The following RGS6 variants were observed in gnomAD, a reference collection of about 807,000 sequenced individuals.
RGS6 encodes regulator of G protein signaling 6, also known as regulator of G-protein signaling 6.
In RGS6, 30 loss-of-function variants were observed where a neutral mutation model predicts 78.5. The observed-to-expected ratio is 0.38, with a 90% CI of 0.29 to 0.52. The LOEUF (loss-of-function observed/expected upper bound fraction) is 0.52, where lower values mean the gene tolerates loss of function less well. RGS6 is among the 20% of genes least tolerant of loss of function. The probability of loss-of-function intolerance (pLI) is 0.85; values close to 1 mark genes in which losing one functional copy is unlikely to be tolerated. For synonymous variants in RGS6, 206 were observed against 206.0 expected (o/e 1.00, Z 0.00); for missense variants, 495 against 609.7 (o/e 0.81, Z 1.98).
chr14:72,301,172 T>G (rs933101618), intron 2 of RGS6, among the ~76,000 whole-genome samples: 2 of 152,164 alleles, frequency 1.3e-5, no homozygotes, highest in Non-Finnish European at 2.9e-5. Flanking sequence ...AGTATCAACA[T>G]GTACCGAGCA....
At chr14:72,486,330 A>G (rs117540977) in intron 12 of RGS6, among the ~76,000 whole-genome samples, 2 of 152,320 alleles carry the variant, frequency 1.3e-5, no homozygotes, top group East Asian at 3.9e-4. Context: ...GAAAGAAGAT[A>G]TGAACCTCAC....
At chr14:72,365,136 A>C (rs2152809058) in intron 3 of RGS6, among the ~76,000 whole-genome samples, 1 of 152,352 alleles carries the variant, frequency 6.6e-6, no homozygotes, top group Middle Eastern at 3.4e-3. Flanking sequence ...TTTGTAGTGG[A>C]TCAAATGAGC....
At chr14:72,442,225 CTT>C (rs1272169040) in intron 3 of RGS6, among the ~76,000 whole-genome samples, 1 of 152,086 alleles carries the variant, frequency 6.6e-6, no homozygotes, top group Non-Finnish European at 1.5e-5. Flanking sequence ...TTCTAGGACT[CTT>C]TTCCATTTCA....
chr14:72,145,419 A>G (rs1320364352), intron 2 of RGS6, among the ~76,000 whole-genome samples: 4 of 152,198 alleles, frequency 2.6e-5, no homozygotes, highest in African/African-American at 9.7e-5. Flanking sequence ...CTTAAAGGAT[A>G]GAAACAAGAT....
intron 3 of RGS6, among the ~76,000 whole-genome samples, chr14:72,407,757 A>G (rs950101800): frequency 2.6e-5 from 4 of 152,228 alleles, no homozygotes; most frequent in African/African-American, 9.6e-5. Context: ...TGCAAGGGAA[A>G]TAGCTCATTG....
At chr14:72,038,660 A>G (rs1187510977) in intron 2 of RGS6, among the ~76,000 whole-genome samples, 16 of 152,160 alleles carry the variant, frequency 1.1e-4, no homozygotes, top group Admixed American at 1.0e-3. Context: ...ATTGTTTTAA[A>G]TATCATTTTT....
At chr14:72,224,015 G>C (rs979024354) in intron 2 of RGS6, among the ~76,000 whole-genome samples, 1 of 152,220 alleles carries the variant, frequency 6.6e-6, no homozygotes, top group African/African-American at 2.4e-5. Flanking sequence ...AAAACATTTT[G>C]TAGTAAAGTA....
intron 13 of RGS6, among the ~76,000 whole-genome samples, chr14:72,504,238 T>C (rs1157527567): frequency 6.6e-6 from 1 of 152,200 alleles, no homozygotes; most frequent in Non-Finnish European, 1.5e-5. Flanking sequence ...CTATTAGTGG[T>C]CTCATTTTTT....
At chr14:71,964,506 CA>C (rs200105434) in intron 1 of RGS6, among the ~76,000 whole-genome samples, 1 of 148,758 alleles carries the variant, frequency 6.7e-6, no homozygotes, top group South Asian at 2.1e-4. Context: ...AACTCTGTCT[CA>C]AAAAAAAACA....
At chr14:72,268,901 G>C (rs2059484846) in intron 2 of RGS6, among the ~76,000 whole-genome samples, 1 of 152,186 alleles carries the variant, frequency 6.6e-6, no homozygotes, top group African/African-American at 2.4e-5. Context: ...GGGACTTTTA[G>C]GTTCAGAGAG....
At chr14:72,203,821 C>CTTTTTTTT (rs142494669) in intron 2 of RGS6, among the ~76,000 whole-genome samples, 2 of 106,742 alleles carry the variant, frequency 1.9e-5, no homozygotes, top group Admixed American at 9.7e-5. Flanking sequence ...TTCTTTCTTT[C>CTTTTTTTT]TTTTTTTTTT....
intron 2 of RGS6, among the ~76,000 whole-genome samples, chr14:72,116,455 G>C (rs1199871677): frequency 6.6e-6 from 1 of 151,690 alleles, no homozygotes; most frequent in Non-Finnish European, 1.5e-5. Flanking sequence ...GGGCATTTTA[G>C]GATGTTTAAC....
the RGS6 span, among the ~76,000 whole-genome samples, chr14:72,576,653 G>C: frequency 2.0e-5 from 3 of 152,216 alleles, no homozygotes; most frequent in African/African-American, 7.2e-5. Context: ...TTTGAGCCAT[G>C]CTGTGGTCCC....
At chr14:72,313,259 C>A (rs1343396275) in intron 2 of RGS6, among the ~76,000 whole-genome samples, 1 of 152,142 alleles carries the variant, frequency 6.6e-6, no homozygotes, top group African/African-American at 2.4e-5. Context: ...AATTCAGGGC[C>A]CCTTGTTCAA....
the RGS6 span, among the ~76,000 whole-genome samples, chr14:71,893,672 T>C: frequency 3.3e-5 from 5 of 152,182 alleles, no homozygotes; most frequent in African/African-American, 4.8e-5. Flanking sequence ...GGGGAAGAGC[T>C]GTACATATTT....
intron 2 of RGS6, among the ~76,000 whole-genome samples, chr14:72,179,484 TAGC>T (rs1481230224): frequency 6.6e-6 from 1 of 152,200 alleles, no homozygotes; most frequent in African/African-American, 2.4e-5. Context: ...TGCTGCTAAT[TAGC>T]AGTAACATAG....
chr14:72,324,275 A>G (rs1338980039), intron 2 of RGS6, among the ~76,000 whole-genome samples: 1 of 152,230 alleles, frequency 6.6e-6, no homozygotes, highest in Non-Finnish European at 1.5e-5. Flanking sequence ...ACAACTGAAT[A>G]CCTCTTTAGA....
At chr14:72,090,615 G>A (rs979542876) in intron 2 of RGS6, among the ~76,000 whole-genome samples, 2 of 152,098 alleles carry the variant, frequency 1.3e-5, no homozygotes, top group Admixed American at 6.5e-5. Context: ...TGGACAAATC[G>A]TATTCCATAA....
chr14:72,544,851 CAG>C (rs1409258524), intron 17 of RGS6, among the ~76,000 whole-genome samples: 2 of 152,308 alleles, frequency 1.3e-5, no homozygotes, highest in Admixed American at 1.3e-4. Context: ...GGCAGCTCTG[CAG>C]AGAGAAACTC....
Sources: gnomAD v4.1 joint callset for allele counts (sites outside exome capture counted in the v4.1 genomes callset) on GRCh38, gnomAD v4.1.1 for gene constraint, MANE v1.5 for transcripts, NCBI Gene and HGNC (gene_info 2026-07-23, HGNC 2026-07-21) for gene names.